Variants in ZNF208 observed in about 807,000 individuals in gnomAD.
The protein encoded by ZNF208 is zinc finger protein 95.
Under a neutral mutation model 12.1 loss-of-function variants are expected in ZNF208, and 10 were observed. That is an observed-to-expected ratio of 0.83 (90% CI 0.51 to 1.40). The LOEUF (loss-of-function observed/expected upper bound fraction) is 1.40. ZNF208 is among the 40% of genes most tolerant of loss of function. The pLI, the probability that ZNF208 is intolerant of heterozygous loss-of-function variation, is 0.00. For missense variants in ZNF208, 1,652 were observed against 1,485.0 expected, an observed-to-expected ratio of 1.11 and a Z score of -1.85; for synonymous variants, 497 against 488.4, an observed-to-expected ratio of 1.02 and a Z score of -0.23.
At chr19:21,986,854 G>T (rs932743486) in intron 3 of ZNF208, 2 of 393,766 alleles carry the variant, frequency 5.1e-6, no homozygotes, top group African/African-American at 4.1e-5. Context: ...AGAGATGATG[G>T]AAAGAGAGAA....
At position 21,966,323 on chromosome 19, in the gene ZNF208, ATT is replaced by A. The variant is rs757390846; in HGVS notation, c.*4866_*4867del. 8 of 151,758 alleles carry A rather than the reference ATT, an allele frequency of 5.3e-5. No individual in the cohort carries two copies. Among genetic ancestry groups the A allele is most frequent in the Non-Finnish European group, 7.4e-5 (5 of 67,928 alleles). 9.4% of individuals were successfully genotyped at this position (151,758 alleles called of 1,614,324 possible). ...TCATCTTTGTTTCCATGTGCGCCCA[ATT>A]TTTAGCATCCATGTATGAGTGAGAA... On this transcript the variant is annotated 3_prime_UTR_variant, in exon 4 of 4. Coordinates refer to ENST00000397126, the MANE Select transcript of ZNF208 (RefSeq NM_007153.3).
At chr19:21,976,046 C>T (rs567781473) in intron 3 of ZNF208, among the ~76,000 whole-genome samples, 10 of 151,960 alleles carry the variant, frequency 6.6e-5, no homozygotes, top group Non-Finnish European at 1.5e-4. Flanking sequence ...TATAAAAATA[C>T]ATTATTTTCT....
intron 1 of ZNF208, among the ~76,000 whole-genome samples, chr19:21,999,763 G>A (rs1453414338): frequency 6.6e-6 from 1 of 152,068 alleles, no homozygotes; most frequent in African/African-American, 2.4e-5. Context: ...ATGACAAATG[G>A]TTTGTGTTAT....
chr19:21,970,694 G>T lies in ZNF208; in HGVS notation c.*497C>A. The stretch of plus-strand genomic sequence containing the variant: ...TTGCCACATTCTTCTCATTTGTAGA[G>T]TTTCTCTCCAGCATGAATTTTCTTA... On this transcript the variant is annotated 3_prime_UTR_variant, in exon 4 of 4. Coordinates refer to ENST00000397126, the MANE Select transcript of ZNF208 (RefSeq NM_007153.3). 1.7e-6 allele frequency: 2 copies of T among 1,151,200 alleles called. No homozygotes were observed. The highest frequency in any genetic ancestry group is 2.6e-6 in the Non-Finnish European group (2 of 771,816). 71.3% of individuals were successfully genotyped at this position (1,151,200 alleles called of 1,614,324 possible).
At chr19:21,957,623 G>A (rs1969997162) in intron 4 of ZNF208, among the ~76,000 whole-genome samples, 1 of 152,068 alleles carries the variant, frequency 6.6e-6, no homozygotes, top group Non-Finnish European at 1.5e-5. Context: ...GTATTTAAGG[G>A]TACAAATCCA....
intron 2 of ZNF208, 118 bp from the exon 3 acceptor site, chr19:21,987,429 T>G: frequency 9.3e-7 from 1 of 1,069,790 alleles, no homozygotes. Context: ...CCCAAAATAC[T>G]AAATTATAAT....
At chr19:21,975,612 T>C (rs1457387211) in intron 3 of ZNF208, among the ~76,000 whole-genome samples, 7 of 151,974 alleles carry the variant, frequency 4.6e-5, no homozygotes, top group Admixed American at 3.3e-4. Flanking sequence ...TAGGGCAATA[T>C]AATTCCATCA....
intron 1 of ZNF208, among the ~76,000 whole-genome samples, chr19:22,004,661 T>G (rs1971015564): frequency 6.6e-6 from 1 of 151,976 alleles, no homozygotes; most frequent in South Asian, 2.1e-4. Flanking sequence ...AGAAAACTGA[T>G]GCGGAAACAG....
At chr19:21,965,724 G>C (rs61187060), downstream of ZNF208, 1 of 148,078 alleles carries the variant, frequency 6.8e-6, no homozygotes, top group African/African-American at 2.5e-5. Flanking sequence ...TTTTTTTTTA[G>C]AAAAAATGTT....
At chr19:22,000,848 A>AT (rs1217062860) in intron 1 of ZNF208, among the ~76,000 whole-genome samples, 15 of 152,204 alleles carry the variant, frequency 9.9e-5, no homozygotes, top group Non-Finnish European at 2.1e-4. Flanking sequence ...ACAATTAGAA[A>AT]TAAAAAAAAG....
At chr19:21,951,747 G>T (rs929484397) in intron 4 of ZNF208, among the ~76,000 whole-genome samples, 2 of 152,210 alleles carry the variant, frequency 1.3e-5, no homozygotes, top group Non-Finnish European at 1.5e-5. Flanking sequence ...GATGATGGGT[G>T]ATTTCTGCAT....
intron 1 of ZNF208, among the ~76,000 whole-genome samples, chr19:21,992,304 T>C (rs183122008): frequency 1.3e-5 from 2 of 152,370 alleles, no homozygotes; most frequent in East Asian, 3.8e-4. Flanking sequence ...GCATTACTGC[T>C]GAGATATTGC....
At chr19:21,958,413 G>A (rs1002486193) in intron 4 of ZNF208, among the ~76,000 whole-genome samples, 1 of 152,124 alleles carries the variant, frequency 6.6e-6, no homozygotes, top group African/African-American at 2.4e-5. Context: ...ATCTGGCTGG[G>A]TGATAGAAAT....
At chr19:21,975,322 T>C (rs138165814) in intron 3 of ZNF208, among the ~76,000 whole-genome samples, 51 of 152,328 alleles carry the variant, frequency 3.3e-4, no homozygotes, top group African/African-American at 1.2e-3. Flanking sequence ...TTGAGTCTGC[T>C]GAGACCAAAG....
chr19:21,979,062 G>A (rs768122932), intron 3 of ZNF208, among the ~76,000 whole-genome samples: 14 of 152,156 alleles, frequency 9.2e-5, no homozygotes, highest in Non-Finnish European at 1.5e-4. Flanking sequence ...AAGCCTCCAA[G>A]AAATATGGGA....
chr19:21,984,618 C>T (rs978322391), intron 3 of ZNF208, among the ~76,000 whole-genome samples: 7 of 152,044 alleles, frequency 4.6e-5, no homozygotes, highest in African/African-American at 1.7e-4. Flanking sequence ...CTCGAGCATG[C>T]TCTTATGCAA....
downstream of ZNF208, among the ~76,000 whole-genome samples, chr19:21,963,245 A>T (rs182072665): frequency 2.0e-5 from 3 of 152,040 alleles, no homozygotes; most frequent in Non-Finnish European, 4.4e-5. Context: ...TAAAATTCTT[A>T]ACCAAGAGGA....
At chr19:21,990,127 C>T (rs1332080604) in intron 1 of ZNF208, among the ~76,000 whole-genome samples, 1 of 152,064 alleles carries the variant, frequency 6.6e-6, no homozygotes, top group Non-Finnish European at 1.5e-5. Context: ...GTTGCCATTG[C>T]TATTGGTGTT....
chr19:21,951,150 C>G (rs73537078), intron 4 of ZNF208, among the ~76,000 whole-genome samples: 7,257 of 152,220 alleles, frequency 0.048, 475 homozygotes, highest in African/African-American at 0.15. Flanking sequence ...GCTTCTTTGG[C>G]CCTTGAGTAC....
Sources: allele counts gnomAD v4.1 joint callset (sites outside exome capture counted in the v4.1 genomes callset), GRCh38; gene constraint gnomAD v4.1.1; transcripts MANE v1.5; gene names NCBI Gene and HGNC (gene_info 2026-07-23, HGNC 2026-07-21).